Variants in VPS9D1 observed in about 807,000 individuals in gnomAD.
The protein encoded by VPS9D1 is VPS9 domain-containing protein 1.
VPS9D1 carries 78 observed loss-of-function variants against 75.8 expected under a neutral mutation model. The ratio of observed to expected loss-of-function variants is 1.03; its 90% confidence interval spans 0.86 to 1.24. The LOEUF (loss-of-function observed/expected upper bound fraction) is 1.24. Among genes scored for constraint, VPS9D1 ranks in the 50% most tolerant of loss-of-function variants. The pLI, the probability that VPS9D1 is intolerant of heterozygous loss-of-function variation, is 0.00. For synonymous variants in VPS9D1, 481 were observed against 385.6 expected (o/e 1.25, Z -2.90); for missense variants, 1,057 against 847.7 (o/e 1.25, Z -3.07).
chr16:89,712,360 C>G (rs1466567273), intron 6 of VPS9D1, 100 bp downstream of exon 6: 19 of 1,548,272 alleles, frequency 1.2e-5, no homozygotes, highest in South Asian at 4.6e-5. Context: ...GTACCCCGAC[C>G]CCGGAACCTC....
chr16:89,715,590 C>T (rs1199378644), intron 4 of VPS9D1, among the ~76,000 whole-genome samples: 6 of 150,644 alleles, frequency 4.0e-5, no homozygotes, highest in African/African-American at 1.5e-4. Context: ...GGCACAATCA[C>T]GGCTCACTGC....
chr16:89,712,207 G>A (rs1597912780), intron 6 of VPS9D1, 108 bp from the exon 7 acceptor site: 2 of 1,488,146 alleles, frequency 1.3e-6, no homozygotes, highest in East Asian at 4.9e-5. Flanking sequence ...TCCTCTCGGT[G>A]AGGGGCTGTC....
chr16:89,712,688 G>T lies in VPS9D1; in HGVS notation c.460C>A (p.Leu154Met), dbSNP rs1408182562. Residue 154 changes from leucine to methionine, a missense_variant, in exon 5 of 15, where the codon CTG (leucine) becomes ATG (methionine). Physicochemically the swap from Leu to Met is conservative, Grantham distance 15. Coordinates refer to ENST00000389386, the MANE Select transcript of VPS9D1 (RefSeq NM_004913.3). ...KELTPLEEASLQNQKLKAAYE... is the reference protein window; with the variant it reads ...KELTPLEEASMQNQKLKAAYE... ...GCAGCCTTCAGCTTCTGATTCTGCA[G>T]GGAGGCCTCCTCCAGTGGCGTCAGC... is the stretch of plus-strand genomic sequence containing the variant. 9 of 1,610,658 alleles carry T rather than the reference G, an allele frequency of 5.6e-6. No homozygotes were observed. In the African/African-American group the frequency reaches 1.1e-4, roughly 19 times the overall value.
chr16:89,711,452 C>T (rs1317567568), intron 8 of VPS9D1, 40 bp from the exon 9 acceptor site: 1 of 1,553,898 alleles, frequency 6.4e-7, no homozygotes, highest in Non-Finnish European at 8.7e-7. Context: ...ACGGTGGGTC[C>T]GCCACGACCG....
chr16:89,716,438 C>G (rs1242486780), intron 4 of VPS9D1, 24 bp downstream of exon 4: 3 of 1,613,350 alleles, frequency 1.9e-6, no homozygotes, highest in Non-Finnish European at 1.7e-6. Context: ...AGGCTCATCC[C>G]ACCTCCCATC....
At chr16:89,713,606 G>C (rs74769176) in intron 4 of VPS9D1, among the ~76,000 whole-genome samples, 1 of 152,130 alleles carries the variant, frequency 6.6e-6, no homozygotes, top group African/African-American at 2.4e-5. Flanking sequence ...ATGGAGATCC[G>C]TTATATGTGT....
intron 8 of VPS9D1, chr16:89,711,673 A>T (rs1263006662): frequency 3.1e-6 from 2 of 643,820 alleles, no homozygotes; most frequent in African/African-American, 4.2e-5. Flanking sequence ...CTCCCACGCG[A>T]CCCCTGACCT....
chr16:89,711,122 T>A, intron 9 of VPS9D1, 112 bp from the exon 10 acceptor site: 1 of 1,268,266 alleles, frequency 7.9e-7, no homozygotes, highest in Non-Finnish European at 1.1e-6. Context: ...CTCCTGACAG[T>A]GAATGTTGGA....
chr16:89,716,824 T>G lies in VPS9D1; in HGVS notation c.176-2A>C. 1 of 1,588,818 alleles carries G rather than the reference T, an allele frequency of 6.3e-7. No individual in the cohort carries two copies. The highest frequency in any genetic ancestry group is 8.5e-7 in the Non-Finnish European group (1 of 1,172,968). ...CGGGGGGCACAGTTTCCCCAGCTTC[T>G]GGGGGAGGGACAAGAAGGCTGGTCA... is the stretch of plus-strand genomic sequence containing the variant. On this transcript the variant is annotated splice_acceptor_variant, in intron 2 of 14. Transcript: ENST00000389386. LOFTEE classifies it high-confidence loss of function.
intron 2 of VPS9D1, chr16:89,718,307 G>A (rs904709964): frequency 2.9e-6 from 1 of 347,518 alleles, no homozygotes; most frequent in African/African-American, 2.1e-5. Context: ...CCTCACCTGA[G>A]GCTCCACTCC....
intron 6 of VPS9D1, 141 bp from the exon 7 acceptor site, chr16:89,712,240 GA>G (rs971071383): frequency 6.5e-6 from 9 of 1,381,970 alleles, no homozygotes; most frequent in Non-Finnish European, 7.9e-6. Flanking sequence ...TTCTGGGGCA[GA>G]AGGCAGCCTG....
At chr16:89,720,194 C>T (rs1207813478) in intron 1 of VPS9D1, among the ~76,000 whole-genome samples, 1 of 152,214 alleles carries the variant, frequency 6.6e-6, no homozygotes, top group East Asian at 1.9e-4. Context: ...TTCTCCTAGG[C>T]ACAGGCAGGC....
In VPS9D1 at chr16:89,707,807, GAC is replaced by G. The variant is rs2060825565; in HGVS notation, c.*52_*53del. On this transcript the variant is annotated 3_prime_UTR_variant, in exon 15 of 15. Coordinates refer to ENST00000389386, the MANE Select transcript of VPS9D1 (RefSeq NM_004913.3). ...ATCCCATGGCTCCAGGTGTAGGAGAGACAGCCCTGGGAGGCGAGGCCAGGCCC... is the reference window on the plus strand; with the variant it reads ...ATCCCATGGCTCCAGGTGTAGGAGAGAGCCCTGGGAGGCGAGGCCAGGCCC... The G allele has an allele frequency of 1.3e-6, 2 of 1,528,886 alleles. No individual in the cohort carries two copies. The highest frequency in any genetic ancestry group is 1.8e-6 in the Non-Finnish European group (2 of 1,105,458). 94.7% of individuals were successfully genotyped at this position (1,528,886 alleles called of 1,614,324 possible). A position where few individuals can be genotyped will look rare whatever the true frequency, so the allele number is the denominator to read the frequency against.
intron 1 of VPS9D1, 142 bp from the exon 2 acceptor site, chr16:89,719,244 C>T (rs777160121): frequency 1.8e-5 from 14 of 797,032 alleles, no homozygotes; most frequent in South Asian, 4.1e-5. Context: ...ATTGAGCCTG[C>T]GGTGGTTAGC....
At position 89,719,118 on chromosome 16, in the gene VPS9D1, A is replaced by C; in HGVS notation, c.100-16T>G. 6.2e-7 allele frequency: 1 copy of C among 1,612,674 alleles called. No individual in the cohort carries two copies. Among genetic ancestry groups the C allele is most frequent in the Non-Finnish European group, 8.5e-7 (1 of 1,179,156 alleles). On this transcript the variant is annotated splice_polypyrimidine_tract_variant and intron_variant, in intron 1 of 14. Coordinates refer to ENST00000389386, the MANE Select transcript of VPS9D1 (RefSeq NM_004913.3). Reference sequence around the variant, plus strand: ...TGTATGCCTCCTGTGTCCAGGAAAGAGAAAGAGTGGGGTCAGGCCAGTGGA... The same window carrying C: ...TGTATGCCTCCTGTGTCCAGGAAAGCGAAAGAGTGGGGTCAGGCCAGTGGA...
chr16:89,711,698 GC>G, intron 8 of VPS9D1, 183 bp downstream of exon 8: 1 of 787,752 alleles, frequency 1.3e-6, no homozygotes, highest in Non-Finnish European at 2.0e-6. Flanking sequence ...TCCTCGCTCT[GC>G]CCCGCCCCAC....
At chr16:89,718,233 A>G in intron 2 of VPS9D1, 2 of 377,452 alleles carry the variant, frequency 5.3e-6, no homozygotes, top group South Asian at 1.9e-5. Flanking sequence ...TTCCACCTTC[A>G]GGACGCACCC....
intron 2 of VPS9D1, chr16:89,717,571 GC>G (rs1159553996): frequency 2.2e-6 from 1 of 456,434 alleles, no homozygotes; most frequent in South Asian, 1.5e-5. Flanking sequence ...CCTCCCTGCT[GC>G]CCTTCACAGA....
rs1463139953 is a variant in VPS9D1, at chr16:89,710,902, G to A, written c.942C>T (p.Cys314=). The A allele has an allele frequency of 4.7e-6, 7 of 1,495,108 alleles. No homozygotes were observed. The highest frequency in any genetic ancestry group is 2.5e-5 in the East Asian group (1 of 40,410). 92.6% of individuals were successfully genotyped at this position (1,495,108 alleles called of 1,614,324 possible). A position where few individuals can be genotyped will look rare whatever the true frequency, so the allele number is the denominator to read the frequency against. The change falls in exon 10 of 15, where the codon TGC becomes TGT. Residue 314 remains cysteine, a synonymous_variant. Transcript: ENST00000389386. ...GGCTTCCGGGGTTGGGGGTCGGGGG[G>A]CAGCAGCCTGGGGCTGGCGCGGCTG... ...SRAAAPAPGC[C]PPTPNPGSRR...
Sources: gnomAD v4.1 joint callset for allele counts (sites outside exome capture counted in the v4.1 genomes callset) on GRCh38, gnomAD v4.1.1 for gene constraint, MANE v1.5 for transcripts, NCBI Gene and HGNC (gene_info 2026-07-23, HGNC 2026-07-21) for gene names.